Variants in GRM7 observed in about 807,000 individuals in gnomAD.
GRM7 encodes metabotropic glutamate receptor 7.
A neutral mutation model predicts 84.5 loss-of-function variants in GRM7; 35 were observed. The ratio of observed to expected loss-of-function variants is 0.41; its 90% CI spans 0.32 to 0.55. The LOEUF (loss-of-function observed/expected upper bound fraction) is 0.55, where lower values mean the gene tolerates loss of function less well. Ranked by LOEUF, GRM7 falls within the 20% of genes least tolerant of loss-of-function variation. The pLI, the probability that GRM7 is intolerant of heterozygous loss-of-function variation, is 0.19. For synonymous variants in GRM7, 487 were observed against 455.1 expected, an observed-to-expected ratio of 1.07 and a Z score of -0.89; for missense variants, 1,003 against 1,194.6, an observed-to-expected ratio of 0.84 and a Z score of 2.36.
intron 7 of GRM7, among the ~76,000 whole-genome samples, chr3:7,520,459 A>G (rs1458939826): frequency 2.0e-5 from 3 of 151,826 alleles, no homozygotes; most frequent in Admixed American, 1.3e-4. Flanking sequence ...ATTCTCCTAT[A>G]TTCTGGATTC....
chr3:7,222,266 C>T (rs1258277244), intron 2 of GRM7, among the ~76,000 whole-genome samples: 2 of 152,036 alleles, frequency 1.3e-5, no homozygotes, highest in Non-Finnish European at 1.5e-5. Context: ...ATCCACTGAT[C>T]ATTGAATCAA....
rs536185553 is a variant in GRM7 at position 7,147,979 on chromosome 3, T to G, written c.736+1311T>G. ...AATTTCCTATTTGTTTGTTTTTCTA[T>G]CTAATCTTCATGACTATAGGAGACC... On this transcript the variant is annotated intron_variant, in intron 2 of 9. Transcript: ENST00000357716. Among the ~76,000 whole-genome samples the G allele has an allele frequency of 1.8e-4, 28 of 152,292 alleles. No homozygotes were observed. The South Asian group carries it at 5.8e-3, about 32-fold the overall frequency.
chr3:7,377,828 T>A (rs560139885), intron 4 of GRM7, among the ~76,000 whole-genome samples: 55 of 152,148 alleles, frequency 3.6e-4, no homozygotes, highest in Non-Finnish European at 7.4e-4. Context: ...AACATAAAAA[T>A]CATGTATTTA....
At chr3:7,114,824 G>T (rs186928204) in intron 1 of GRM7, among the ~76,000 whole-genome samples, 254 of 152,240 alleles carry the variant, frequency 1.7e-3, no homozygotes, top group Admixed American at 7.2e-3. Flanking sequence ...CTAATGACCA[G>T]TTTCGTGGTG....
At chr3:6,931,989 C>T (rs1004990152) in intron 1 of GRM7, among the ~76,000 whole-genome samples, 10 of 152,116 alleles carry the variant, frequency 6.6e-5, no homozygotes, top group South Asian at 2.1e-4. Context: ...AATATTGCTG[C>T]GTGGGTAGGG....
intron 1 of GRM7, among the ~76,000 whole-genome samples, chr3:6,873,278 G>C (rs1321721699): frequency 6.6e-6 from 1 of 152,132 alleles, no homozygotes; most frequent in African/African-American, 2.4e-5. Flanking sequence ...TCACCATACT[G>C]GCCAGGCTGG....
chr3:7,636,866 T>A (rs1429756203), intron 8 of GRM7, among the ~76,000 whole-genome samples: 1 of 152,174 alleles, frequency 6.6e-6, no homozygotes, highest in Non-Finnish European at 1.5e-5. Context: ...CTGTCAGGGT[T>A]ACTGGCAAAT....
intron 1 of GRM7, among the ~76,000 whole-genome samples, chr3:7,087,463 G>T (rs1452832397): frequency 6.6e-6 from 1 of 151,406 alleles, no homozygotes; most frequent in African/African-American, 2.4e-5. Context: ...TGATAGCTAG[G>T]GAAAAGACAA....
chr3:7,333,563 TTCTATAACA>T (rs1316089649), intron 4 of GRM7, among the ~76,000 whole-genome samples: 2 of 151,902 alleles, frequency 1.3e-5, no homozygotes, highest in African/African-American at 2.4e-5. Flanking sequence ...CAAAATGAGG[TTCTATAACA>T]TCCCCAAAAG....
rs1047778975 is a variant in GRM7 at position 6,972,030 on chromosome 3, T to G, written c.519+110123T>G. Among the ~76,000 whole-genome samples, 5 of 152,334 alleles carry G rather than the reference T, an allele frequency of 3.3e-5. No individual in the cohort carries two copies. In the East Asian group the frequency reaches 9.6e-4, roughly 29 times the overall value. ...CTTTATAATGTATCTAACTTAATTT[T>G]CACACAACTTAGCAGACATTATTAT... On this transcript the variant is annotated intron_variant, in intron 1 of 9. Transcript: ENST00000357716.
chr3:7,452,601 G>A lies in GRM7; in HGVS notation c.1175-6G>A, dbSNP rs778942212. 3.9e-5 allele frequency: 61 copies of A among 1,577,060 alleles called. No individual in the cohort carries two copies. The Middle Eastern group carries it at 5.1e-4, about 13-fold the overall frequency. ...GTGTGTGTGTGTTTCTTGTTTTAAT[G>A]TGCAGGACAGGAGAGAATTGGAAAA... On this transcript the variant is annotated splice_polypyrimidine_tract_variant and splice_region_variant and intron_variant, in intron 5 of 9. Coordinates refer to ENST00000357716, the MANE Select transcript of GRM7 (RefSeq NM_000844.4).
At chr3:7,022,960 C>A (rs1223101077) in intron 1 of GRM7, among the ~76,000 whole-genome samples, 3 of 151,960 alleles carry the variant, frequency 2.0e-5, no homozygotes, top group South Asian at 2.1e-4. Flanking sequence ...GCTTATATAC[C>A]CTTTTTCACA....
At chr3:7,422,311 A>C (rs1696430102) in intron 5 of GRM7, among the ~76,000 whole-genome samples, 1 of 152,206 alleles carries the variant, frequency 6.6e-6, no homozygotes. Flanking sequence ...CTTGCTTTAG[A>C]CCAGCGTTGA....
intron 2 of GRM7, among the ~76,000 whole-genome samples, chr3:7,293,420 G>T (rs1575129257): frequency 1.3e-5 from 2 of 152,062 alleles, no homozygotes; most frequent in African/African-American, 4.8e-5. Flanking sequence ...TATCTCTCTT[G>T]TATGTATCAC....
chr3:7,701,195 C>G (rs113774744), intron 9 of GRM7, among the ~76,000 whole-genome samples: 46 of 152,100 alleles, frequency 3.0e-4, no homozygotes, highest in Non-Finnish European at 1.0e-4. Context: ...GGCAGGCTGC[C>G]CAGTCTGTCT....
chr3:7,017,917 T>C (rs1243376750), intron 1 of GRM7, among the ~76,000 whole-genome samples: 1 of 152,218 alleles, frequency 6.6e-6, no homozygotes, highest in Non-Finnish European at 1.5e-5. Context: ...CTGGTAGACT[T>C]ACTGGTTAGG....
intron 1 of GRM7, among the ~76,000 whole-genome samples, chr3:6,880,723 A>G (rs1695477872): frequency 6.6e-6 from 1 of 152,140 alleles, no homozygotes; most frequent in African/African-American, 2.4e-5. Flanking sequence ...CGTCTTTGTC[A>G]AAAGCATTTC....
intron 1 of GRM7, among the ~76,000 whole-genome samples, chr3:6,875,041 T>A (rs1172104851): frequency 6.6e-6 from 1 of 152,194 alleles, no homozygotes; most frequent in Non-Finnish European, 1.5e-5. Flanking sequence ...CTCTATAGCA[T>A]CTAACTCTAT....
intron 2 of GRM7, among the ~76,000 whole-genome samples, chr3:7,213,658 C>T (rs73126271): frequency 0.02 from 2,980 of 152,226 alleles, 85 homozygotes; most frequent in African/African-American, 0.068. Context: ...TGAACTTCTA[C>T]GCAGTCACAA....
Sources: allele counts gnomAD v4.1 joint callset (sites outside exome capture counted in the v4.1 genomes callset), GRCh38; gene constraint gnomAD v4.1.1; transcripts MANE v1.5; gene names NCBI Gene and HGNC (gene_info 2026-07-23, HGNC 2026-07-21).